Variants in C1GALT1 observed in about 807,000 individuals in gnomAD.
C1GALT1 encodes the protein core 1 synthase, glycoprotein-N-acetylgalactosamine 3-beta-galactosyltransferase 1, also known as glycoprotein-N-acetylgalactosamine 3-beta-galactosyltransferase 1.
A neutral mutation model predicts 31.0 loss-of-function variants in C1GALT1; 11 were observed. The observed-to-expected ratio is 0.36, with a 90% CI of 0.22 to 0.59. The LOEUF (loss-of-function observed/expected upper bound fraction) is 0.59, where lower values mean the gene tolerates loss of function less well. Among genes scored for constraint, C1GALT1 ranks in the 20% least tolerant of loss-of-function variants. The probability of loss-of-function intolerance (pLI) is 0.79; values close to 1 mark genes in which losing one functional copy is unlikely to be tolerated. For missense variants in C1GALT1, 424 were observed against 425.2 expected, an observed-to-expected ratio of 1.00 and a Z score of 0.03; for synonymous variants, 175 against 143.6, an observed-to-expected ratio of 1.22 and a Z score of -1.56.
intron 1 of C1GALT1, among the ~76,000 whole-genome samples, chr7:7,227,070 T>TTAA (rs1782798725): frequency 6.6e-6 from 1 of 152,164 alleles, no homozygotes; most frequent in Non-Finnish European, 1.5e-5. Context: ...TAAACTTTTC[T>TTAA]TAATTTTTAG....
At chr7:7,169,300 A>G (rs77819318) in intron 2 of C1GALT1, among the ~76,000 whole-genome samples, 3,682 of 152,270 alleles carry the variant, frequency 0.024, 134 homozygotes, top group African/African-American at 0.084. Flanking sequence ...GCTATTATGA[A>G]GAAGGTCACA....
chr7:7,166,242 C>T (rs1356515764), intron 2 of C1GALT1, among the ~76,000 whole-genome samples: 1 of 152,036 alleles, frequency 6.6e-6, no homozygotes, highest in East Asian at 1.9e-4. Flanking sequence ...GGGTGAGAAA[C>T]AATTGGATTA....
rs1425385032 is a variant in C1GALT1 at position 7,245,492 on chromosome 7, T to C, written c.*1765T>C. 2 of 152,256 alleles carry C rather than the reference T, an allele frequency of 1.3e-5. No individual in the cohort carries two copies. The allele number at this position is 152,256 out of a possible 1,614,324, so 9.4% of individuals were successfully genotyped here. On this transcript the variant is annotated 3_prime_UTR_variant, in exon 4 of 4. Transcript: ENST00000436587. ...AGCACCCGGCTAAGTAATTTCTATTTATTGTGCCAAAACATGTCAAAATCA... is the reference window on the plus strand; with the variant it reads ...AGCACCCGGCTAAGTAATTTCTATTCATTGTGCCAAAACATGTCAAAATCA...
intron 1 of C1GALT1, among the ~76,000 whole-genome samples, chr7:7,187,168 GTT>G (rs941698893): frequency 6.6e-6 from 1 of 152,130 alleles, no homozygotes; most frequent in Non-Finnish European, 1.5e-5. Context: ...TGAAAAGTAA[GTT>G]TTTTTCATCC....
intron 1 of C1GALT1, among the ~76,000 whole-genome samples, chr7:7,183,074 T>A (rs909899433): frequency 1.3e-5 from 2 of 152,136 alleles, no homozygotes; most frequent in Non-Finnish European, 2.9e-5. Flanking sequence ...TTTGTGGACA[T>A]GTACCCTCCT....
At chr7:7,223,930 G>C (rs1782629967) in intron 1 of C1GALT1, among the ~76,000 whole-genome samples, 1 of 152,026 alleles carries the variant, frequency 6.6e-6, no homozygotes, top group Admixed American at 6.6e-5. Flanking sequence ...ATCAAGTTAA[G>C]GAAATTCCTT....
At chr7:7,184,189 A>G (rs1780716755) in intron 1 of C1GALT1, among the ~76,000 whole-genome samples, 1 of 152,230 alleles carries the variant, frequency 6.6e-6, no homozygotes, top group African/African-American at 2.4e-5. Flanking sequence ...AAGTGAATAT[A>G]AAGTTTCAAG....
At chr7:7,232,108 G>A (rs1783099798) in intron 1 of C1GALT1, among the ~76,000 whole-genome samples, 1 of 152,152 alleles carries the variant, frequency 6.6e-6, no homozygotes, top group Non-Finnish European at 1.5e-5. Flanking sequence ...CTTGAGGATA[G>A]AGCAGTGCCA....
chr7:7,177,549 G>C (rs1290643635), upstream of C1GALT1, among the ~76,000 whole-genome samples: 1 of 151,864 alleles, frequency 6.6e-6, no homozygotes, highest in African/African-American at 2.4e-5. Context: ...AGAAAAAGGA[G>C]CCAGTGATAA....
intron 1 of C1GALT1, among the ~76,000 whole-genome samples, chr7:7,187,530 T>C (rs190563870): frequency 2.0e-5 from 3 of 152,310 alleles, no homozygotes; most frequent in Admixed American, 2.0e-4. Context: ...TTTAGCAATG[T>C]CTACAGACAT....
rs192955938 is a variant in C1GALT1 at position 7,160,001 on chromosome 7, G to A, written c.-18+2575G>A. ...TTGCACCAATCCATGTTCATAAATT[G>A]AGGGATATGTCTGCACTTCAAAGAT... On this transcript the variant is annotated intron_variant, in intron 2 of 3. Coordinates refer to the C1GALT1 transcript ENST00000429911. Among the ~76,000 whole-genome samples the A allele has an allele frequency of 2.0e-4, 30 of 152,192 alleles. No individual in the cohort carries two copies. The East Asian group carries it at 5.8e-3, about 29-fold the overall frequency.
At chr7:7,217,123 T>C (rs1782281537) in intron 1 of C1GALT1, among the ~76,000 whole-genome samples, 2 of 152,204 alleles carry the variant, frequency 1.3e-5, no homozygotes, top group Non-Finnish European at 2.9e-5. Flanking sequence ...GAACTTCCTT[T>C]ACCGGCCAAT....
intron 1 of C1GALT1, among the ~76,000 whole-genome samples, chr7:7,199,064 C>G (rs897039750): frequency 1.9e-4 from 29 of 152,128 alleles, no homozygotes; most frequent in African/African-American, 7.0e-4. Context: ...TTAGTTACTT[C>G]TTGCCTTCTG....
At chr7:7,239,854 C>T (rs1238785425) in intron 3 of C1GALT1, among the ~76,000 whole-genome samples, 1 of 152,140 alleles carries the variant, frequency 6.6e-6, no homozygotes, top group Non-Finnish European at 1.5e-5. Context: ...CTACAACTTG[C>T]CCTTTTCACA....
chr7:7,232,059 A>T (rs908803056), intron 1 of C1GALT1, among the ~76,000 whole-genome samples: 3 of 152,152 alleles, frequency 2.0e-5, no homozygotes, highest in Admixed American at 6.5e-5. Context: ...GCTTAGCTTT[A>T]TTGCCCTTGC....
At chr7:7,222,327 G>C (rs1346088329) in intron 1 of C1GALT1, among the ~76,000 whole-genome samples, 2 of 152,162 alleles carry the variant, frequency 1.3e-5, no homozygotes, top group African/African-American at 4.8e-5. Flanking sequence ...GATTTATGTA[G>C]TCCAAAAATT....
At chr7:7,203,136 A>G (rs1445195961) in intron 1 of C1GALT1, among the ~76,000 whole-genome samples, 1 of 147,282 alleles carries the variant, frequency 6.8e-6, no homozygotes, top group Non-Finnish European at 1.5e-5. Flanking sequence ...TGCATATAAG[A>G]TCATATCATT....
chr7:7,219,352 T>C (rs1337851827), intron 1 of C1GALT1, among the ~76,000 whole-genome samples: 2 of 152,214 alleles, frequency 1.3e-5, no homozygotes, highest in African/African-American at 4.8e-5. Flanking sequence ...CTTTGAATGA[T>C]AATGATGTGT....
At chr7:7,229,721 A>G (rs2108782) in intron 1 of C1GALT1, among the ~76,000 whole-genome samples, 6,158 of 152,266 alleles carry the variant, frequency 0.04, 231 homozygotes, top group African/African-American at 0.11. Context: ...TTTTGGATAT[A>G]AAGATTACAC....
Sources: allele counts gnomAD v4.1 joint callset (sites outside exome capture counted in the v4.1 genomes callset), GRCh38; gene constraint gnomAD v4.1.1; transcripts MANE v1.5; gene names NCBI Gene and HGNC (gene_info 2026-07-23, HGNC 2026-07-21).